Variants in DOK7 observed in about 807,000 individuals in gnomAD.
DOK7 encodes docking protein 7, also known as protein Dok-7.
In DOK7, 32 loss-of-function variants were observed where a neutral mutation model predicts 30.7. That is an observed-to-expected ratio of 1.04 (90% CI 0.79 to 1.40). The LOEUF (loss-of-function observed/expected upper bound fraction) is 1.40, where lower values mean the gene tolerates loss of function less well. DOK7 is among the 40% of genes most tolerant of loss of function. The probability of loss-of-function intolerance (pLI) is 0.00; values close to 1 mark genes in which losing one functional copy is unlikely to be tolerated. For missense variants in DOK7, 1,007 were observed against 699.2 expected (o/e 1.44, Z -4.97); for synonymous variants, 447 against 324.1 (o/e 1.38, Z -4.07).
At chr4:3,494,867 G>A (rs560207346), downstream of DOK7, among the ~76,000 whole-genome samples, 21 of 152,292 alleles carry the variant, frequency 1.4e-4, 1 homozygote, top group East Asian at 7.7e-4. Flanking sequence ...ACATGGGGCC[G>A]AGTTCCAGGC....
intron 2 of DOK7, among the ~76,000 whole-genome samples, chr4:3,471,399 A>G (rs1726757310): frequency 6.6e-6 from 1 of 152,184 alleles, no homozygotes; most frequent in South Asian, 2.1e-4. Flanking sequence ...AAGGGAGTGA[A>G]GGGGTGGTCT....
intron 4 of DOK7, among the ~76,000 whole-genome samples, chr4:3,479,627 C>T (rs1268243124): frequency 2.0e-5 from 3 of 152,228 alleles, no homozygotes; most frequent in Non-Finnish European, 4.4e-5. Context: ...CTGCAGAGAG[C>T]AGAGAGGGTG....
downstream of DOK7, among the ~76,000 whole-genome samples, chr4:3,497,081 TGGCAGTG>T (rs886554671): frequency 9.4e-5 from 13 of 138,086 alleles, no homozygotes; most frequent in East Asian, 2.2e-4. Flanking sequence ...GGTTGCTGGG[TGGCAGTG>T]GGCAGTGGGG....
chr4:3,463,660 C>T (rs1250007935), intron 2 of DOK7, 109 bp downstream of exon 2: 14 of 1,391,818 alleles, frequency 1.0e-5, no homozygotes, highest in East Asian at 5.1e-5. Context: ...GTCACCCCGC[C>T]GGGAAACCCG....
chr4:3,500,005 G>A (rs1469567235), intron 6 of DOK7, among the ~76,000 whole-genome samples: 3 of 151,826 alleles, frequency 2.0e-5, no homozygotes, highest in Admixed American at 1.3e-4. Flanking sequence ...CAGTGGAGGG[G>A]ACAGCGCTTC....
At chr4:3,480,044 C>G (rs1011096322) in intron 4 of DOK7, among the ~76,000 whole-genome samples, 3 of 152,232 alleles carry the variant, frequency 2.0e-5, no homozygotes, top group Non-Finnish European at 4.4e-5. Flanking sequence ...GAGGGCCACT[C>G]GCCCTGGGAC....
chr4:3,486,765 G>A (rs1727826743), intron 5 of DOK7, among the ~76,000 whole-genome samples: 1 of 151,904 alleles, frequency 6.6e-6, no homozygotes, highest in South Asian at 2.1e-4. Context: ...AGCGGCTGCA[G>A]GCAGGTGTGG....
intron 2 of DOK7, among the ~76,000 whole-genome samples, chr4:3,469,735 C>A (rs538351555): frequency 6.0e-4 from 91 of 152,340 alleles, no homozygotes; most frequent in African/African-American, 1.9e-3. Context: ...GGGCCTGGAG[C>A]TTCCATCTCT....
At chr4:3,492,127 C>T (rs573561839) in intron 6 of DOK7, among the ~76,000 whole-genome samples, 1 of 152,318 alleles carries the variant, frequency 6.6e-6, no homozygotes, top group East Asian at 1.9e-4. Context: ...ATGAAAGTGG[C>T]TTTCCCAAGA....
intron 2 of DOK7, among the ~76,000 whole-genome samples, chr4:3,471,153 G>A (rs531378015): frequency 1.3e-5 from 2 of 152,354 alleles, no homozygotes; most frequent in Admixed American, 6.5e-5. Flanking sequence ...CAGGGAAGAC[G>A]CTCTGGCCTT....
Position 3,493,038 on chromosome 4 carries a change from G to C in DOK7, c.1052G>C (p.Ser351Thr). ...GGCAGCCACTCCTCTTACTCCAGCA[G>C]CCTCTCGTCCTACGCGGGCAGCAGC... is the stretch of plus-strand genomic sequence containing the variant. ...ATGSHSSYSS[S>T]LSSYAGSSLD... Residue 351 changes from serine (S) to threonine (T), a missense_variant, in exon 7 of 7, where the codon AGC becomes ACC. Ser to Thr is a moderately conservative substitution (Grantham distance 58). Transcript: ENST00000340083. The C allele has an allele frequency of 6.4e-7, 1 of 1,572,526 alleles. No individual in the cohort carries two copies. Among genetic ancestry groups the C allele is most frequent in the Non-Finnish European group, 8.6e-7 (1 of 1,163,952 alleles).
chr4:3,490,348 TCCCCACACTCATTCATTCCTTCCTTCC>T (rs1366255021), intron 6 of DOK7, among the ~76,000 whole-genome samples: 4 of 71,016 alleles, frequency 5.6e-5, no homozygotes, highest in African/African-American at 1.2e-4. Flanking sequence ...TCCTTCCTTT[TCCCCACACTCATTCATTCCTTCCTTCC>T]CCCCACCCCC....
At chr4:3,469,945 T>C (rs1419958361) in intron 2 of DOK7, among the ~76,000 whole-genome samples, 1 of 152,150 alleles carries the variant, frequency 6.6e-6, no homozygotes, top group Admixed American at 6.5e-5. Flanking sequence ...TGTTCATGTT[T>C]GAAAATGAAA....
chr4:3,467,188 C>T (rs1185665277), intron 2 of DOK7, among the ~76,000 whole-genome samples: 2 of 63,010 alleles, frequency 3.2e-5, no homozygotes, highest in Non-Finnish European at 8.0e-5. Context: ...TGGGCGGGGA[C>T]CCCCCCCACT....
chr4:3,485,796 T>G (rs1727742890), intron 5 of DOK7, 138 bp downstream of exon 5: 1 of 1,297,610 alleles, frequency 7.7e-7, no homozygotes, highest in Non-Finnish European at 9.9e-7. Flanking sequence ...ACCAGAACCT[T>G]TCCAGGCCAG....
intron 6 of DOK7, among the ~76,000 whole-genome samples, chr4:3,490,692 CCTTCCCCCCTCATGCATTCCTTCATTT>C (rs1304103674): frequency 6.4e-5 from 6 of 94,274 alleles, no homozygotes; most frequent in African/African-American, 1.9e-4. Context: ...TTCCTTCCTT[CCTTCCCCCCTCATGCATTCCTTCATTT>C]CCCCCCACTC....
In DOK7 at chr4:3,493,542, T is replaced by G. The variant is rs771606343; in HGVS notation, c.*41T>G. The G allele has an allele frequency of 1.9e-6, 3 of 1,600,820 alleles. No homozygotes were observed. Among genetic ancestry groups the G allele is most frequent in the Non-Finnish European group, 2.6e-6 (3 of 1,173,932 alleles). ...CCCCGCGGCTGCAAAGGGGCTGAAT[T>G]TGCCCCCAGATGGCAGAGGAAGTGG... is the stretch of plus-strand genomic sequence containing the variant. On this transcript the variant is annotated 3_prime_UTR_variant, in exon 7 of 7. Transcript: ENST00000340083.
downstream of DOK7, among the ~76,000 whole-genome samples, chr4:3,496,388 G>A (rs1315501713): frequency 6.6e-6 from 1 of 152,264 alleles, no homozygotes; most frequent in Non-Finnish European, 1.5e-5. Context: ...CTCAAGGACG[G>A]GAAAGGAAAT....
At chr4:3,498,466 C>T (rs956859235), downstream of DOK7, among the ~76,000 whole-genome samples, 5 of 152,332 alleles carry the variant, frequency 3.3e-5, no homozygotes, top group African/African-American at 7.2e-5. Context: ...CTTGGAAGAA[C>T]GGATGCAATC....
Sources: allele counts gnomAD v4.1 joint callset (sites outside exome capture counted in the v4.1 genomes callset), GRCh38; gene constraint gnomAD v4.1.1; transcripts MANE v1.5; gene names NCBI Gene and HGNC (gene_info 2026-07-23, HGNC 2026-07-21).